The following CALCR variants were observed in gnomAD, a reference collection of about 807,000 sequenced individuals.
CALCR encodes the protein calcitonin receptor.
CALCR carries 47 observed loss-of-function variants against 59.5 expected under a neutral mutation model. That is an observed-to-expected ratio of 0.79 (90% CI 0.63 to 1.01). CALCR has a LOEUF of 1.01. Among genes scored for constraint, CALCR ranks in the 50% least tolerant of loss-of-function variants. The pLI is 0.00. For missense variants in CALCR, 566 were observed against 597.1 expected (o/e 0.95, Z 0.54); for synonymous variants, 213 against 211.3 (o/e 1.01, Z -0.07).
At position 93,490,545 on chromosome 7, in the gene CALCR, A is replaced by G. The variant is rs575540169; in HGVS notation, c.-26-3538T>C. ...CCCAAAACTCCTTAAGCTGAGAAGT[A>G]ACTTCAGCAAAGTCGCAGGATAAAA... On this transcript the variant is annotated intron_variant, in intron 2 of 13. Coordinates refer to ENST00000426151, the MANE Select transcript of CALCR (RefSeq NM_001742.4). Among the ~76,000 whole-genome samples the G allele has an allele frequency of 4.7e-4, 71 of 152,088 alleles. 2 individuals are homozygous for G. The highest frequency in any genetic ancestry group is 1.6e-3 in the African/African-American group (68 of 41,530).
At chr7:93,569,009 C>T (rs1584638372) in intron 2 of CALCR, among the ~76,000 whole-genome samples, 1 of 151,938 alleles carries the variant, frequency 6.6e-6, no homozygotes, top group South Asian at 2.1e-4. Context: ...TACAATTTTT[C>T]TCTTTCATCT....
In CALCR at chr7:93,434,289, G is replaced by GA. The variant is rs1350690451; in HGVS notation, c.1154dup (p.Phe386LeufsTer12). 1 of 1,607,980 alleles carries GA rather than the reference G, an allele frequency of 6.2e-7. No homozygotes were observed. The highest frequency in any genetic ancestry group is 1.3e-5 in the African/African-American group (1 of 74,314). The stretch of plus-strand genomic sequence containing the variant: ...AGAAGCAGTAGATGGTCGCAACAAA[G>GA]AAGCCCTAAAAAGGGAAGGAAAAAT... On this transcript the variant is annotated frameshift_variant, in exon 13 of 14. Coordinates refer to ENST00000426151, the MANE Select transcript of CALCR (RefSeq NM_001742.4). LOFTEE classifies it high-confidence loss of function.
intron 7 of CALCR, among the ~76,000 whole-genome samples, chr7:93,463,337 G>T (rs1800377725): frequency 6.6e-6 from 1 of 151,712 alleles, no homozygotes; most frequent in Non-Finnish European, 1.5e-5. Flanking sequence ...GAAACACAGA[G>T]AAAATGATAG....
chr7:93,431,804 G>A (rs1799663606), intron 13 of CALCR, among the ~76,000 whole-genome samples: 1 of 152,134 alleles, frequency 6.6e-6, no homozygotes, highest in Non-Finnish European at 1.5e-5. Flanking sequence ...TTTTATCCAC[G>A]ATGTACGGAG....
At chr7:93,446,032 A>G (rs957891494) in intron 8 of CALCR, among the ~76,000 whole-genome samples, 35 of 152,180 alleles carry the variant, frequency 2.3e-4, no homozygotes, top group African/African-American at 7.9e-4. Context: ...AGGTGGCTCC[A>G]ATTTCTGGAC....
At chr7:93,483,279 G>A (rs1800841715) in intron 3 of CALCR, among the ~76,000 whole-genome samples, 2 of 151,462 alleles carry the variant, frequency 1.3e-5, no homozygotes, top group South Asian at 4.2e-4. Context: ...TTGTTATACT[G>A]TATTATTTAG....
intron 2 of CALCR, among the ~76,000 whole-genome samples, chr7:93,563,043 G>T (rs1458338221): frequency 1.3e-5 from 2 of 151,428 alleles, no homozygotes; most frequent in South Asian, 4.1e-4. Context: ...AAAGTCACTT[G>T]CAAAAGGCTG....
intron 13 of CALCR, among the ~76,000 whole-genome samples, chr7:93,431,497 A>G (rs1308697077): frequency 6.6e-6 from 1 of 152,190 alleles, no homozygotes; most frequent in East Asian, 1.9e-4. Context: ...TTCATCAAGG[A>G]GGCCACAGGT....
At chr7:93,486,865 T>A in intron 3 of CALCR, 66 bp downstream of exon 3, 1 of 1,011,076 alleles carries the variant, frequency 9.9e-7, no homozygotes, top group Non-Finnish European at 1.5e-6. Context: ...TAAATCACAC[T>A]CAAAACATTC....
chr7:93,467,476 G>A (rs1800463877), intron 7 of CALCR, among the ~76,000 whole-genome samples: 1 of 151,662 alleles, frequency 6.6e-6, no homozygotes, highest in Non-Finnish European at 1.5e-5. Flanking sequence ...TGTATTTACA[G>A]GTGATTATTC....
chr7:93,525,815 G>A (rs1016218509), intron 2 of CALCR, among the ~76,000 whole-genome samples: 1 of 152,096 alleles, frequency 6.6e-6, no homozygotes, highest in African/African-American at 2.4e-5. Context: ...GCAGTTTAGA[G>A]ATTTGTTTTG....
intron 2 of CALCR, among the ~76,000 whole-genome samples, chr7:93,552,393 C>A (rs1402882534): frequency 6.6e-6 from 1 of 152,126 alleles, no homozygotes. Context: ...CTTTCCAAGG[C>A]CACACTGTTT....
At chr7:93,426,697 G>T (rs1799538801) in intron 13 of CALCR, 108 bp from the exon 14 acceptor site, 5 of 634,528 alleles carry the variant, frequency 7.9e-6, no homozygotes, top group Non-Finnish European at 1.4e-5. Context: ...AAGTTAAATT[G>T]TAATTCTGAT....
chr7:93,564,651 G>A (rs573793266), intron 2 of CALCR, among the ~76,000 whole-genome samples: 12 of 151,752 alleles, frequency 7.9e-5, no homozygotes, highest in African/African-American at 2.2e-4. Context: ...ACGGGGTTTC[G>A]CTATGTTGGC....
At chr7:93,505,526 A>G (rs1342822759) in intron 2 of CALCR, among the ~76,000 whole-genome samples, 1 of 152,190 alleles carries the variant, frequency 6.6e-6, no homozygotes, top group Non-Finnish European at 1.5e-5. Context: ...AGCAATGGGA[A>G]TCAGGTATGT....
At chr7:93,520,447 T>G (rs1801738229) in intron 2 of CALCR, among the ~76,000 whole-genome samples, 1 of 152,174 alleles carries the variant, frequency 6.6e-6, no homozygotes, top group Non-Finnish European at 1.5e-5. Context: ...TGGAATATTT[T>G]CCATTTGTTG....
intron 9 of CALCR, among the ~76,000 whole-genome samples, chr7:93,439,194 C>A (rs1440601593): frequency 6.6e-6 from 1 of 151,978 alleles, no homozygotes; most frequent in Non-Finnish European, 1.5e-5. Context: ...GAGTTATATA[C>A]AAAAAGGGGT....
intron 2 of CALCR, among the ~76,000 whole-genome samples, chr7:93,561,280 A>T (rs988047650): frequency 3.3e-5 from 5 of 152,086 alleles, no homozygotes; most frequent in Non-Finnish European, 5.9e-5. Flanking sequence ...ATATTCACAC[A>T]CTAATAACAT....
chr7:93,438,533 G>A (rs1211257094), intron 9 of CALCR, among the ~76,000 whole-genome samples: 1 of 152,170 alleles, frequency 6.6e-6, no homozygotes, highest in African/African-American at 2.4e-5. Flanking sequence ...AATGTAGCAG[G>A]TACACTATGA....
Sources: allele counts gnomAD v4.1 joint callset (sites outside exome capture counted in the v4.1 genomes callset), GRCh38; gene constraint gnomAD v4.1.1; transcripts MANE v1.5; gene names NCBI Gene and HGNC (gene_info 2026-07-23, HGNC 2026-07-21).